Variants in ACTR3C observed in about 807,000 individuals in gnomAD.
ACTR3C encodes the protein actin related protein 3C.
ACTR3C carries 18 observed loss-of-function variants against 26.3 expected under a neutral mutation model. The observed-to-expected ratio is 0.68, with a 90% confidence interval of 0.47 to 1.01. The LOEUF (loss-of-function observed/expected upper bound fraction) is 1.01, where lower values mean the gene tolerates loss of function less well. Among genes scored for constraint, ACTR3C ranks in the 50% least tolerant of loss-of-function variants. The pLI is 0.00. For missense variants in ACTR3C, 184 were observed against 250.7 expected (o/e 0.73, Z 1.80); for synonymous variants, 55 against 94.5 (o/e 0.58, Z 2.42).
chr7:150,204,977 A>G, the ACTR3C span, among the ~76,000 whole-genome samples: 1 of 152,202 alleles, frequency 6.6e-6, no homozygotes, highest in African/African-American at 2.4e-5. Context: ...AGGTTTCCAG[A>G]CCCACAGCCG....
At chr7:149,974,263 A>G in the ACTR3C span, among the ~76,000 whole-genome samples, 2 of 142,312 alleles carry the variant, frequency 1.4e-5, no homozygotes, top group South Asian at 2.3e-4. Flanking sequence ...TATTACCCAC[A>G]TGAAGAAACA....
At chr7:150,029,406 A>AC in the ACTR3C span, among the ~76,000 whole-genome samples, 426 of 99,756 alleles carry the variant, frequency 4.3e-3, 14 homozygotes, top group South Asian at 0.032. Flanking sequence ...TCAAAAACAA[A>AC]AAAAAAAAAA....
At chr7:149,923,637 A>G in the ACTR3C span, among the ~76,000 whole-genome samples, 1 of 152,204 alleles carries the variant, frequency 6.6e-6, no homozygotes, top group Non-Finnish European at 1.5e-5. Context: ...AGACCTTAAT[A>G]GGTTACTAAA....
the ACTR3C span, among the ~76,000 whole-genome samples, chr7:150,128,496 A>G: frequency 6.6e-6 from 1 of 151,968 alleles, no homozygotes; most frequent in Admixed American, 6.6e-5. Flanking sequence ...GAGGCAAAAC[A>G]GCATCAGTGT....
At chr7:150,165,750 C>T in the ACTR3C span, among the ~76,000 whole-genome samples, 1 of 150,824 alleles carries the variant, frequency 6.6e-6, no homozygotes, top group Admixed American at 6.6e-5. Context: ...TGACCAGTGA[C>T]CCAGAGTCCA....
At chr7:149,983,460 T>TATATATATATATATATATAC in the ACTR3C span, among the ~76,000 whole-genome samples, 7 of 124,280 alleles carry the variant, frequency 5.6e-5, 1 homozygote, top group Non-Finnish European at 8.2e-5. Context: ...TATATATATA[T>TATATATATATATATATATAC]ATATGTAGGA....
At chr7:150,020,474 T>A in the ACTR3C span, among the ~76,000 whole-genome samples, 521 of 152,196 alleles carry the variant, frequency 3.4e-3, 12 homozygotes, top group African/African-American at 0.012. Flanking sequence ...AAGGCATTTA[T>A]TAAGCACTGG....
the ACTR3C span, among the ~76,000 whole-genome samples, chr7:149,889,037 AT>A: frequency 2.4e-4 from 37 of 152,074 alleles, no homozygotes; most frequent in African/African-American, 8.9e-4. Flanking sequence ...ATAAAAAGAA[AT>A]TAAAAAAAAA....
chr7:149,976,844 G>T, the ACTR3C span, among the ~76,000 whole-genome samples: 2 of 151,744 alleles, frequency 1.3e-5, no homozygotes. Flanking sequence ...GTCGAGTGGG[G>T]TACAGCATCG....
At chr7:150,067,352 AAAAG>A in the ACTR3C span, among the ~76,000 whole-genome samples, 2 of 152,228 alleles carry the variant, frequency 1.3e-5, no homozygotes, top group South Asian at 4.1e-4. Flanking sequence ...CAAAGAAAGG[AAAAG>A]AGAGAGAAAG....
chr7:149,911,111 G>A, the ACTR3C span, among the ~76,000 whole-genome samples: 1 of 151,894 alleles, frequency 6.6e-6, no homozygotes, highest in African/African-American at 2.4e-5. Flanking sequence ...CCAACCAAGA[G>A]CCAACCCAGG....
At chr7:150,242,496 A>G (rs985658790), downstream of ACTR3C, among the ~76,000 whole-genome samples, 5 of 151,288 alleles carry the variant, frequency 3.3e-5, no homozygotes, top group South Asian at 4.2e-4. Flanking sequence ...ATCAAAACCT[A>G]TAACTAAAAT....
At chr7:150,132,238 G>C in the ACTR3C span, among the ~76,000 whole-genome samples, 3 of 152,246 alleles carry the variant, frequency 2.0e-5, no homozygotes, top group South Asian at 2.1e-4. Context: ...ACTGCTAATA[G>C]GTTTGAAGTT....
chr7:150,080,395 C>T, the ACTR3C span, among the ~76,000 whole-genome samples: 1 of 151,412 alleles, frequency 6.6e-6, no homozygotes, highest in Non-Finnish European at 1.5e-5. Flanking sequence ...CACAGAGATG[C>T]TCTATCACGC....
At chr7:150,037,836 TCGCGGAGGGTGCCTCCGCCCCCA>T in the ACTR3C span, among the ~76,000 whole-genome samples, 1 of 69,536 alleles carries the variant, frequency 1.4e-5, no homozygotes, top group Non-Finnish European at 3.1e-5. Context: ...AGTCCCTGCC[TCGCGGAGGGTGCCTCCGCCCCCA>T]GCGATGGGGG....
chr7:150,303,080 A>G (rs577378406), intron 1 of ACTR3C: 11 of 152,368 alleles, frequency 7.2e-5, no homozygotes, highest in Admixed American at 1.3e-4. Context: ...CCACTGATCT[A>G]TGATGGGAAA....
intron 1 of ACTR3C, among the ~76,000 whole-genome samples, chr7:150,305,856 C>A (rs566664802): frequency 6.6e-6 from 1 of 152,298 alleles, no homozygotes; most frequent in East Asian, 1.9e-4. Flanking sequence ...AAGGATAATT[C>A]TGTGAGCTCC....
the ACTR3C span, among the ~76,000 whole-genome samples, chr7:150,132,826 T>C: frequency 3.3e-5 from 5 of 152,106 alleles, no homozygotes; most frequent in African/African-American, 1.2e-4. Flanking sequence ...CTACTCACAA[T>C]AGCAAAAACA....
chr7:149,948,091 C>T, the ACTR3C span, among the ~76,000 whole-genome samples: 2 of 142,744 alleles, frequency 1.4e-5, no homozygotes, highest in East Asian at 3.9e-4. Context: ...GCATTCTCAG[C>T]AGGCGTGAGA....
Sources: allele counts gnomAD v4.1 joint callset (sites outside exome capture counted in the v4.1 genomes callset), GRCh38; gene constraint gnomAD v4.1.1; transcripts MANE v1.5; gene names NCBI Gene and HGNC (gene_info 2026-07-23, HGNC 2026-07-21).